Variants in MRPS28 observed in about 807,000 individuals in gnomAD.
The protein encoded by MRPS28 is small ribosomal subunit protein bS1m.
Under a neutral mutation model 10.8 loss-of-function variants are expected in MRPS28, and 7 were observed. The ratio of observed to expected loss-of-function variants is 0.65; its 90% CI spans 0.37 to 1.22. MRPS28 has a LOEUF of 1.22. Among genes scored for constraint, MRPS28 ranks in the 50% most tolerant of loss-of-function variants. The probability of loss-of-function intolerance (pLI) is 0.02; values close to 1 mark genes in which losing one functional copy is unlikely to be tolerated. For synonymous variants in MRPS28, 121 were observed against 93.3 expected, an observed-to-expected ratio of 1.30 and a Z score of -1.71; for missense variants, 265 against 232.9, an observed-to-expected ratio of 1.14 and a Z score of -0.90.
At chr8:79,958,572 T>G in intron 2 of MRPS28, 1 of 567,508 alleles carries the variant, frequency 1.8e-6, no homozygotes, top group Non-Finnish European at 3.1e-6. Flanking sequence ...TAATTGATTT[T>G]GTTGAGTTTT....
At chr8:79,992,157 C>A (rs559863385) in intron 2 of MRPS28, among the ~76,000 whole-genome samples, 160 of 152,198 alleles carry the variant, frequency 1.1e-3, no homozygotes, top group Non-Finnish European at 1.5e-3. Context: ...TGGCTAATAT[C>A]TTGACTGAAC....
intron 2 of MRPS28, among the ~76,000 whole-genome samples, chr8:79,963,632 G>C (rs1352747603): frequency 2.6e-5 from 4 of 152,122 alleles, no homozygotes; most frequent in African/African-American, 9.7e-5. Context: ...GCCTCAAACA[G>C]CACTGTTGAC....
In MRPS28 at chr8:80,003,149, G is replaced by C. The variant is rs1808708875; in HGVS notation, c.245C>G (p.Ser82Cys). Reference sequence around the variant, plus strand: ...TGTAAGAGGAGAATGTCTCAGCATAGATGCAAAGGATTCCACATTTTTTGG... The same window carrying C: ...TGTAAGAGGAGAATGTCTCAGCATACATGCAAAGGATTCCACATTTTTTGG... Reference protein sequence around the residue: ...GSPKNVESFASMLRHSPLTQM... With the variant: ...GSPKNVESFACMLRHSPLTQM... The change falls in exon 2 of 3, where the codon TCT becomes TGT. Residue 82 changes from serine (S) to cysteine (C), a missense_variant. Transcript: ENST00000276585. The C allele has an allele frequency of 2.5e-6, 4 of 1,592,314 alleles. No homozygotes were observed. The highest frequency in any genetic ancestry group is 3.4e-6 in the Non-Finnish European group (4 of 1,174,234).
intron 2 of MRPS28, among the ~76,000 whole-genome samples, chr8:79,984,434 T>C (rs1039687364): frequency 1.4e-4 from 21 of 152,126 alleles, no homozygotes; most frequent in Admixed American, 1.2e-3. Context: ...ATATTAACCT[T>C]AAATGTAAAT....
At chr8:80,014,825 C>G (rs950010750) in intron 1 of MRPS28, among the ~76,000 whole-genome samples, 1 of 152,150 alleles carries the variant, frequency 6.6e-6, no homozygotes, top group African/African-American at 2.4e-5. Context: ...CTGCCACCCC[C>G]ACTCCAGGGG....
At chr8:79,920,081 G>A (rs113550096) in intron 2 of MRPS28, among the ~76,000 whole-genome samples, 11 of 151,864 alleles carry the variant, frequency 7.2e-5, no homozygotes, top group Non-Finnish European at 1.3e-4. Flanking sequence ...GAGAATGATG[G>A]TTTCCAGCTT....
intron 2 of MRPS28, among the ~76,000 whole-genome samples, chr8:79,990,492 C>T (rs902937073): frequency 6.6e-6 from 1 of 152,106 alleles, no homozygotes; most frequent in African/African-American, 2.4e-5. Flanking sequence ...CCCCAAACAC[C>T]ACCATCATAA....
intron 2 of MRPS28, among the ~76,000 whole-genome samples, chr8:79,972,921 T>C (rs1807674702): frequency 1.3e-5 from 2 of 152,090 alleles, no homozygotes; most frequent in Non-Finnish European, 2.9e-5. Context: ...AAAGGAAAAA[T>C]TGATTGAATG....
intron 1 of MRPS28, among the ~76,000 whole-genome samples, chr8:80,004,785 C>T (rs768224758): frequency 1.4e-4 from 21 of 152,304 alleles, no homozygotes; most frequent in Admixed American, 9.2e-4. Context: ...GCAGAGAAGT[C>T]CTTAAATGAC....
chr8:79,948,766 ATTTT>A (rs571435338), intron 2 of MRPS28, among the ~76,000 whole-genome samples: 139 of 151,732 alleles, frequency 9.2e-4, no homozygotes, highest in Non-Finnish European at 1.8e-3. Flanking sequence ...AATTACACTG[ATTTT>A]TTTTCACAAG....
intron 2 of MRPS28, among the ~76,000 whole-genome samples, chr8:79,983,097 A>G (rs1808022941): frequency 6.6e-6 from 1 of 152,082 alleles, no homozygotes; most frequent in Non-Finnish European, 1.5e-5. Context: ...ACGATCAGAC[A>G]GCAGCATTCA....
intron 2 of MRPS28, among the ~76,000 whole-genome samples, chr8:79,999,156 T>A (rs1808588555): frequency 6.6e-6 from 1 of 152,262 alleles, no homozygotes; most frequent in Non-Finnish European, 1.5e-5. Flanking sequence ...GAAGCTCTGC[T>A]ATTATGGAGA....
intron 1 of MRPS28, among the ~76,000 whole-genome samples, chr8:80,004,481 T>C (rs1045208281): frequency 1.3e-5 from 2 of 152,130 alleles, no homozygotes; most frequent in African/African-American, 2.4e-5. Flanking sequence ...CAAAACCCCA[T>C]CTGTACGTCA....
At chr8:79,978,997 T>C (rs1399204470) in intron 2 of MRPS28, among the ~76,000 whole-genome samples, 1 of 152,226 alleles carries the variant, frequency 6.6e-6, no homozygotes, top group East Asian at 1.9e-4. Context: ...GTCACTAATT[T>C]TTTGTGTTGT....
At chr8:80,010,614 T>A (rs1196040284) in intron 1 of MRPS28, among the ~76,000 whole-genome samples, 1 of 152,262 alleles carries the variant, frequency 6.6e-6, no homozygotes, top group Admixed American at 6.5e-5. Context: ...CATATTAATG[T>A]AAATTTTCCA....
rs188965519 is a variant in MRPS28 at position 79,922,619 on chromosome 8, A to G, written c.396-3471T>C. 5.1e-4 allele frequency among the ~76,000 whole-genome samples: 77 copies of G among 152,258 alleles called. No homozygotes were observed. The East Asian group carries it at 0.011, about 22-fold the overall frequency. On this transcript the variant is annotated intron_variant, in intron 2 of 2. Coordinates refer to ENST00000276585, the MANE Select transcript of MRPS28 (RefSeq NM_014018.3). ...TTTATTAGTTAAAAAATAAATTATG[A>G]ATGAAAATGTAATGCCAGCCATAAC...
rs377299354 is a variant in MRPS28, at chr8:79,931,405, A to G, written c.396-12257T>C. Among the ~76,000 whole-genome samples the G allele has an allele frequency of 3.9e-5, 6 of 152,354 alleles. 1 individual carries two copies. Among genetic ancestry groups the G allele is most frequent in the Admixed American group, 6.5e-5 (1 of 15,306 alleles). On this transcript the variant is annotated intron_variant, in intron 2 of 2. Coordinates refer to ENST00000276585, the MANE Select transcript of MRPS28 (RefSeq NM_014018.3). ...GAATTCTGCACAGAGAGCATGTATC[A>G]TACCATATTAATGGGTAAAGAAAGC...
At chr8:79,944,043 T>C (rs1368551742) in intron 2 of MRPS28, among the ~76,000 whole-genome samples, 1 of 152,182 alleles carries the variant, frequency 6.6e-6, no homozygotes, top group Non-Finnish European at 1.5e-5. Context: ...TTGCTAATCA[T>C]CATATTGAAT....
intron 2 of MRPS28, among the ~76,000 whole-genome samples, chr8:79,996,348 G>T (rs1054294331): frequency 1.3e-5 from 2 of 152,152 alleles, no homozygotes; most frequent in Non-Finnish European, 2.9e-5. Context: ...CTTATTGGGG[G>T]TTACACTATT....
Sources: allele counts gnomAD v4.1 joint callset (sites outside exome capture counted in the v4.1 genomes callset), GRCh38; gene constraint gnomAD v4.1.1; transcripts MANE v1.5; gene names NCBI Gene and HGNC (gene_info 2026-07-23, HGNC 2026-07-21).